The following DOCK2 variants were observed in gnomAD, a reference collection of about 807,000 sequenced individuals.
The protein encoded by DOCK2 is dedicator of cytokinesis protein 2.
In DOCK2, 87 loss-of-function variants were observed where a neutral mutation model predicts 248.9. The ratio of observed to expected loss-of-function variants is 0.35; its 90% CI spans 0.29 to 0.42. The LOEUF is 0.42. Among genes scored for constraint, DOCK2 ranks in the 10% least tolerant of loss-of-function variants. DOCK2 has a pLI of 1.00. For synonymous variants in DOCK2, 805 were observed against 821.6 expected (o/e 0.98, Z 0.35); for missense variants, 1,747 against 2,300.2 (o/e 0.76, Z 4.92).
Position 169,654,429 on chromosome 5 carries a change from GC to G in DOCK2, c.76del (p.Gln26SerfsTer25), listed in dbSNP as rs759741411. 6.2e-7 allele frequency: 1 copy of G among 1,614,142 alleles called. No individual in the cohort carries two copies. The stretch of plus-strand genomic sequence containing the variant: ...CATATACAACTTCCAAGGCAGCGGA[GC>G]CCCCCAGCTCTCCCTGCAGATCGGC... ...VAIYNFQGSG[A>X]PQLSLQIGDV... On this transcript the variant is annotated frameshift_variant, in exon 2 of 52. Transcript: ENST00000520908. LOFTEE classifies it high-confidence loss of function.
intron 44 of DOCK2, among the ~76,000 whole-genome samples, chr5:170,066,558 T>C (rs1757501514): frequency 1.3e-5 from 2 of 152,324 alleles, no homozygotes; most frequent in South Asian, 4.1e-4. Flanking sequence ...CTAACAGACA[T>C]ATACAGAACA....
At chr5:169,998,742 A>G (rs1286918850) in intron 30 of DOCK2, among the ~76,000 whole-genome samples, 1 of 152,188 alleles carries the variant, frequency 6.6e-6, no homozygotes, top group African/African-American at 2.4e-5. Flanking sequence ...CACGTGCCTG[A>G]TATAGACTTT....
intron 14 of DOCK2, among the ~76,000 whole-genome samples, chr5:169,704,997 A>G (rs989667155): frequency 3.9e-5 from 6 of 152,082 alleles, no homozygotes; most frequent in Admixed American, 2.6e-4. Context: ...CCTTGTCTTT[A>G]CTGAAAATAC....
chr5:169,887,554 C>T (rs1237163887), intron 27 of DOCK2, among the ~76,000 whole-genome samples: 1 of 152,164 alleles, frequency 6.6e-6, no homozygotes, highest in Non-Finnish European at 1.5e-5. Flanking sequence ...TTATGGTGTA[C>T]AGATCACACT....
At chr5:169,890,574 T>C (rs181109320) in intron 27 of DOCK2, among the ~76,000 whole-genome samples, 115 of 152,112 alleles carry the variant, frequency 7.6e-4, no homozygotes, top group Non-Finnish European at 1.6e-3. Context: ...AGGAAAAGGG[T>C]ATATTTTGGG....
chr5:169,815,999 G>A (rs537778340), intron 26 of DOCK2, among the ~76,000 whole-genome samples: 1 of 152,282 alleles, frequency 6.6e-6, no homozygotes, highest in African/African-American at 2.4e-5. Context: ...CAGCCACTTG[G>A]TTTCCAAAAA....
intron 14 of DOCK2, among the ~76,000 whole-genome samples, chr5:169,705,681 C>A (rs1174591165): frequency 6.6e-6 from 1 of 152,200 alleles, no homozygotes; most frequent in Non-Finnish European, 1.5e-5. Context: ...CTACCTTAGG[C>A]ATGCTAATCG....
intron 27 of DOCK2, among the ~76,000 whole-genome samples, chr5:169,873,777 A>G (rs1308494739): frequency 6.6e-6 from 1 of 152,230 alleles, no homozygotes; most frequent in Admixed American, 6.5e-5. Context: ...TCAGTGGCCA[A>G]ATCGCTTAAC....
intron 2 of DOCK2, among the ~76,000 whole-genome samples, chr5:169,661,318 T>A (rs1758434728): frequency 6.6e-6 from 1 of 152,226 alleles, no homozygotes; most frequent in African/African-American, 2.4e-5. Context: ...AAAATTTTTT[T>A]AATTGTATAT....
intron 22 of DOCK2, among the ~76,000 whole-genome samples, chr5:169,737,812 G>A (rs2113652400): frequency 6.6e-6 from 1 of 152,324 alleles, no homozygotes; most frequent in East Asian, 1.9e-4. Context: ...CCCCATTCCT[G>A]TATCTTTTGT....
At chr5:169,823,932 A>G (rs1343438377) in intron 26 of DOCK2, among the ~76,000 whole-genome samples, 1 of 152,256 alleles carries the variant, frequency 6.6e-6, no homozygotes. Flanking sequence ...GTCTCAGGAT[A>G]CAAAATCAAT....
intron 27 of DOCK2, among the ~76,000 whole-genome samples, chr5:169,910,244 A>C (rs1469497682): frequency 6.6e-6 from 1 of 152,192 alleles, no homozygotes; most frequent in Non-Finnish European, 1.5e-5. Context: ...TCATGTTAGA[A>C]GTGGCCATCT....
intron 23 of DOCK2, among the ~76,000 whole-genome samples, chr5:169,756,725 A>G (rs1013554181): frequency 1.3e-5 from 2 of 152,190 alleles, no homozygotes; most frequent in Non-Finnish European, 2.9e-5. Flanking sequence ...CAGGAGTTCA[A>G]GACCAGCCTG....
intron 41 of DOCK2, among the ~76,000 whole-genome samples, chr5:170,052,580 A>G (rs1438516663): frequency 6.6e-6 from 1 of 152,204 alleles, no homozygotes; most frequent in Non-Finnish European, 1.5e-5. Flanking sequence ...TGGACAAGAA[A>G]TATGTGGGGC....
At chr5:169,990,949 A>G (rs1778191314) in intron 29 of DOCK2, among the ~76,000 whole-genome samples, 1 of 152,228 alleles carries the variant, frequency 6.6e-6, no homozygotes, top group South Asian at 2.1e-4. Flanking sequence ...GGATAACCAT[A>G]ACAACAACAG....
intron 11 of DOCK2, among the ~76,000 whole-genome samples, chr5:169,698,662 C>T (rs1760778924): frequency 6.6e-6 from 1 of 152,260 alleles, no homozygotes; most frequent in Admixed American, 6.5e-5. Flanking sequence ...ATTTATGCCA[C>T]AGACATTTAT....
intron 50 of DOCK2, chr5:170,081,517 TGGA>T (rs915097540): frequency 2.8e-5 from 8 of 281,804 alleles, no homozygotes; most frequent in Non-Finnish European, 4.7e-5. Context: ...TGTTGGGAGC[TGGA>T]GGAAGAGTAA....
chr5:169,792,399 GTATA>G (rs200685083), intron 25 of DOCK2, among the ~76,000 whole-genome samples: 4 of 147,222 alleles, frequency 2.7e-5, no homozygotes, highest in African/African-American at 1.1e-4. Context: ...ATGTATATGT[GTATA>G]TATATTTTAT....
At chr5:170,025,353 A>G (rs1297070456) in intron 33 of DOCK2, among the ~76,000 whole-genome samples, 2 of 152,244 alleles carry the variant, frequency 1.3e-5, no homozygotes, top group Admixed American at 1.3e-4. Flanking sequence ...GTTTTGTGCT[A>G]CAGCAGCAGA....
Sources: allele counts gnomAD v4.1 joint callset (sites outside exome capture counted in the v4.1 genomes callset), GRCh38; gene constraint gnomAD v4.1.1; transcripts MANE v1.5; gene names NCBI Gene and HGNC (gene_info 2026-07-23, HGNC 2026-07-21).